DLG2: variants seen among roughly 807,000 people sequenced by gnomAD.
The protein encoded by DLG2 is discs large MAGUK scaffold protein 2.
A neutral mutation model predicts 132.5 loss-of-function variants in DLG2; 45 were observed. The observed-to-expected ratio is 0.34, with a 90% CI of 0.27 to 0.44. DLG2 has a LOEUF of 0.44. DLG2 is among the 20% of genes least tolerant of loss of function. The pLI is 1.00. For missense variants in DLG2, 1,045 were observed against 1,196.9 expected, an observed-to-expected ratio of 0.87 and a Z score of 1.87; for synonymous variants, 424 against 419.6, an observed-to-expected ratio of 1.01 and a Z score of -0.13.
intron 19 of DLG2, among the ~76,000 whole-genome samples, chr11:83,577,353 T>G (rs1453675760): frequency 6.7e-6 from 1 of 149,156 alleles, no homozygotes; most frequent in Non-Finnish European, 1.5e-5. Flanking sequence ...TATATCTTAT[T>G]AGTTCTAATA....
intron 4 of DLG2, among the ~76,000 whole-genome samples, chr11:85,166,518 T>A (rs2078463795): frequency 6.6e-6 from 1 of 152,150 alleles, no homozygotes; most frequent in South Asian, 2.1e-4. Context: ...CAGCCTGTGC[T>A]GATCCTCTTT....
chr11:83,601,761 G>A (rs2058608690), intron 19 of DLG2, among the ~76,000 whole-genome samples: 1 of 151,630 alleles, frequency 6.6e-6, no homozygotes, highest in African/African-American at 2.4e-5. Context: ...GGGCTCAAGT[G>A]ATCTGCCGGC....
At chr11:85,090,719 G>C (rs1483847433) in intron 6 of DLG2, among the ~76,000 whole-genome samples, 2 of 152,138 alleles carry the variant, frequency 1.3e-5, no homozygotes, top group Non-Finnish European at 2.9e-5. Context: ...TTCAGTTCTA[G>C]ATCATCACAA....
At chr11:83,548,122 A>C (rs903915115) in intron 19 of DLG2, among the ~76,000 whole-genome samples, 1 of 152,180 alleles carries the variant, frequency 6.6e-6, no homozygotes, top group Non-Finnish European at 1.5e-5. Context: ...TGGAAAGCTT[A>C]GTAGAATTAC....
chr11:85,497,308 C>G (rs565927857), intron 3 of DLG2, among the ~76,000 whole-genome samples: 1 of 151,056 alleles, frequency 6.6e-6, no homozygotes, highest in Non-Finnish European at 1.5e-5. Context: ...CCAATTTGAT[C>G]AAGCAGAAGA....
intron 6 of DLG2, among the ~76,000 whole-genome samples, chr11:84,670,744 A>C (rs942101783): frequency 2.6e-5 from 4 of 152,118 alleles, no homozygotes; most frequent in African/African-American, 9.7e-5. Flanking sequence ...CAAGATTTGA[A>C]CTTAGTCCTG....
chr11:83,974,491 G>T (rs539709406), intron 12 of DLG2, among the ~76,000 whole-genome samples: 11 of 151,964 alleles, frequency 7.2e-5, no homozygotes, highest in African/African-American at 2.4e-4. Context: ...TAAGAAGAAG[G>T]CTCCATGATA....
At chr11:83,784,429 A>G (rs2094956424) in intron 18 of DLG2, among the ~76,000 whole-genome samples, 1 of 152,218 alleles carries the variant, frequency 6.6e-6, no homozygotes, top group Non-Finnish European at 1.5e-5. Flanking sequence ...CCACATTTCC[A>G]ACTAATTTAA....
At chr11:84,722,308 G>C (rs1271758206) in intron 6 of DLG2, among the ~76,000 whole-genome samples, 1 of 152,138 alleles carries the variant, frequency 6.6e-6, no homozygotes, top group Non-Finnish European at 1.5e-5. Flanking sequence ...ACATCCTCCT[G>C]ATGCAATTCC....
intron 10 of DLG2, among the ~76,000 whole-genome samples, chr11:84,067,391 A>G (rs1430606529): frequency 6.6e-6 from 1 of 152,134 alleles, no homozygotes; most frequent in Non-Finnish European, 1.5e-5. Flanking sequence ...ATAATTCCAC[A>G]CATTTTATGT....
At chr11:84,195,608 T>C (rs912096995) in intron 8 of DLG2, among the ~76,000 whole-genome samples, 1 of 152,206 alleles carries the variant, frequency 6.6e-6, no homozygotes, top group African/African-American at 2.4e-5. Context: ...CTTATATTAG[T>C]TCCTCAACAA....
chr11:83,774,704 A>G (rs1482761611), intron 18 of DLG2, among the ~76,000 whole-genome samples: 1 of 152,182 alleles, frequency 6.6e-6, no homozygotes, highest in African/African-American at 2.4e-5. Context: ...GATTAGAGCA[A>G]AGGGCAGCAC....
chr11:84,411,119 C>A (rs1013281995), intron 7 of DLG2, among the ~76,000 whole-genome samples: 1 of 152,146 alleles, frequency 6.6e-6, no homozygotes, highest in Admixed American at 6.6e-5. Flanking sequence ...GGTAGAATTT[C>A]ACCATGTGGA....
intron 4 of DLG2, among the ~76,000 whole-genome samples, chr11:85,174,399 A>C (rs1005412305): frequency 1.3e-5 from 2 of 152,200 alleles, no homozygotes; most frequent in Admixed American, 6.5e-5. Flanking sequence ...TTAAGGTAGA[A>C]ATCAAGAAGT....
chr11:84,249,086 G>A (rs1371136541), intron 8 of DLG2, among the ~76,000 whole-genome samples: 7 of 152,188 alleles, frequency 4.6e-5, no homozygotes, highest in Admixed American at 4.6e-4. Flanking sequence ...ATATCTGGCA[G>A]TTACGCCACC....
chr11:83,965,507 A>G (rs769680259), intron 12 of DLG2, 39 bp from the exon 13 acceptor site: 1 of 1,520,420 alleles, frequency 6.6e-7, no homozygotes, highest in South Asian at 1.2e-5. Context: ...AGTTAAATCT[A>G]TGGAGCAGAA....
intron 6 of DLG2, among the ~76,000 whole-genome samples, chr11:84,952,346 T>C (rs2051044021): frequency 6.6e-6 from 1 of 151,874 alleles, no homozygotes; most frequent in Non-Finnish European, 1.5e-5. Context: ...TGAAACCCCG[T>C]CTCTACTAAA....
At chr11:85,089,606 T>C (rs751118734) in intron 6 of DLG2, among the ~76,000 whole-genome samples, 33 of 152,334 alleles carry the variant, frequency 2.2e-4, no homozygotes, top group Middle Eastern at 3.4e-3. Flanking sequence ...TGCATGTGTC[T>C]TTTTGGTAGA....
chr11:83,833,655 C>T lies in DLG2; in HGVS notation c.1681G>A (p.Asp561Asn). The change falls in exon 17 of 28, where the codon GAC (aspartate) becomes AAC (asparagine). Residue 561 changes from aspartate to asparagine, a missense_variant. Around this residue, in one of 4 missense-constraint regions of DLG2, gnomAD observed 398 missense variants for 543.6 expected, o/e 0.73. Transcript: ENST00000376104. ...VSFILAGGPA[D>N]LSGELQRGDQ... ...CCTCTCTGGAGCTCCCCACTTAGGT[C>T]TGCTGGTCCACCAGCCAGAATGAAG... 1 of 1,614,066 alleles carries T rather than the reference C, an allele frequency of 6.2e-7. No individual in the cohort carries two copies.
Sources: gnomAD v4.1 joint callset for allele counts (sites outside exome capture counted in the v4.1 genomes callset) on GRCh38, gnomAD v4.1.1 for gene constraint, gnomAD v4.1.1 regional missense constraint, MANE v1.5 for transcripts, NCBI Gene and HGNC (gene_info 2026-07-23, HGNC 2026-07-21) for gene names.